Variants in SART1 observed in about 807,000 individuals in gnomAD.
The protein encoded by SART1 is spliceosome associated factor 1, recruiter of U4/U6.U5 tri-snRNP, also known as U4/U6.U5 tri-snRNP-associated protein 1.
In SART1, 28 loss-of-function variants were observed where a neutral mutation model predicts 105.0. The observed-to-expected ratio is 0.27, with a 90% CI of 0.20 to 0.37. The LOEUF (loss-of-function observed/expected upper bound fraction) is 0.37, where lower values mean the gene tolerates loss of function less well. SART1 is among the 10% of genes least tolerant of loss of function. SART1 has a pLI of 1.00. For missense variants in SART1, 894 were observed against 1,106.5 expected, an observed-to-expected ratio of 0.81 and a Z score of 2.72; for synonymous variants, 472 against 462.9, an observed-to-expected ratio of 1.02 and a Z score of -0.25.
chr11:65,965,932 G>A lies in SART1; in HGVS notation c.784G>A (p.Ala262Thr). 6.2e-7 allele frequency: 1 copy of A among 1,614,102 alleles called. No individual in the cohort carries two copies. The highest frequency in any genetic ancestry group is 8.5e-7 in the Non-Finnish European group (1 of 1,180,034). The change falls in exon 7 of 20, where the codon GCC becomes ACC. Residue 262 changes from alanine (A) to threonine (T), a missense_variant. Physicochemically the swap from Ala to Thr is moderately conservative, Grantham distance 58. Around this residue, in one of 2 missense-constraint regions of SART1, gnomAD observed 712 missense variants for 778.2 expected, o/e 0.91. Coordinates refer to ENST00000312397, the MANE Select transcript of SART1 (RefSeq NM_005146.5). ...RDLQGLTVEH[A>T]IDSFREGETM... Reference sequence around the variant, plus strand: ...CCTGCAGGGCCTCACCGTGGAGCATGCCATTGATTCCTTCCGAGAAGGGGA... The same window carrying A: ...CCTGCAGGGCCTCACCGTGGAGCATACCATTGATTCCTTCCGAGAAGGGGA...
rs563249232 is a variant in SART1 at position 65,969,662 on chromosome 11, GC to G, written c.1572+1843del. Among the ~76,000 whole-genome samples, 12 of 152,200 alleles carry G rather than the reference GC, an allele frequency of 7.9e-5. No homozygotes were observed. In the East Asian group the frequency reaches 2.3e-3, roughly 29 times the overall value. ...ATTCCTGAGCTCAAACGATCCTCTC[GC>G]CTCCACCTCCCAAAGTGCTGGGGTT... On this transcript the variant is annotated intron_variant, in intron 12 of 19. Transcript: ENST00000312397.
Position 65,965,702 on chromosome 11 carries a change from G to A in SART1, c.661G>A (p.Ala221Thr), listed in dbSNP as rs2134904649. ...TAGGTCACCCCTCCCTGTCCCGTAG[G>A]CCAAGTTACTGGAGGAGATGGACCA... ...QKEKDLAEKRAKLLEEMDQEF... is the reference protein window; with the variant it reads ...QKEKDLAEKRTKLLEEMDQEF... Residue 221 changes from alanine to threonine, a missense_variant and splice_region_variant, in exon 6 of 20, where the codon GCC becomes ACC. Physicochemically the swap from Ala to Thr is moderately conservative, Grantham distance 58. Transcript: ENST00000312397. 2 of 1,613,696 alleles carry A rather than the reference G, an allele frequency of 1.2e-6. No individual in the cohort carries two copies. Among genetic ancestry groups the A allele is most frequent in the Non-Finnish European group, 1.7e-6 (2 of 1,179,850 alleles).
intron 12 of SART1, among the ~76,000 whole-genome samples, chr11:65,973,942 A>C (rs1157572983): frequency 6.6e-6 from 1 of 152,176 alleles, no homozygotes; most frequent in Non-Finnish European, 1.5e-5. Context: ...TGCTAAAGCC[A>C]TGAAGACAAG....
chr11:65,975,626 G>T (rs1034007229), intron 12 of SART1, among the ~76,000 whole-genome samples: 1 of 151,748 alleles, frequency 6.6e-6, no homozygotes, highest in African/African-American at 2.4e-5. Context: ...GGCTGGTCTC[G>T]ATCTCCGGAA....
chr11:65,979,132 T>C lies in SART1; in HGVS notation c.*102T>C, dbSNP rs1855540993. The C allele has an allele frequency of 2.7e-6, 4 of 1,482,554 alleles. No individual in the cohort carries two copies. The East Asian group carries it at 9.5e-5, about 35-fold the overall frequency. The allele number at this position is 1,482,554 out of a possible 1,614,324, so 91.8% of individuals were successfully genotyped here. On this transcript the variant is annotated 3_prime_UTR_variant, in exon 20 of 20. Transcript: ENST00000312397. ...GTGGTACAGATTCCAGGGTTGGATC[T>C]TTGGTTGGGTGTGGCACAGAGTCTG...
Position 65,965,144 on chromosome 11 carries a change from C to T in SART1, c.480C>T (p.Ala160=). The stretch of plus-strand genomic sequence containing the variant: ...CAGCTGATGTCATCAACCCTATGGC[C>T]TTGCGACAGCGAGAGGAGCTGCGGG... ...PVTADVINPM[A]LRQREELREK... is the part of the protein sequence containing the mutation. Residue 160 remains alanine, a synonymous_variant, in exon 4 of 20, where the codon GCC becomes GCT. Transcript: ENST00000312397. The T allele has an allele frequency of 6.2e-7, 1 of 1,601,460 alleles. No individual in the cohort carries two copies. The highest frequency in any genetic ancestry group is 8.5e-7 in the Non-Finnish European group (1 of 1,177,070).
rs758275106 is a variant in SART1, at chr11:65,965,948, G to A, written c.800G>A (p.Arg267Gln). 19 of 1,613,944 alleles carry A rather than the reference G, an allele frequency of 1.2e-5. No individual in the cohort carries two copies. The highest frequency in any genetic ancestry group is 2.2e-5 in the East Asian group (1 of 44,894). The change falls in exon 7 of 20, where the codon CGA becomes CAA. Residue 267 changes from arginine (R) to glutamine (Q), a missense_variant. Arg to Gln is a conservative substitution (Grantham distance 43). Transcript: ENST00000312397. ...GTGGAGCATGCCATTGATTCCTTCC[G>A]AGAAGGGGAGACAATGATTCTTACC... The part of the protein sequence containing the change: ...LTVEHAIDSF[R>Q]EGETMILTLK...
At chr11:65,977,123 T>C (rs748116169) in intron 15 of SART1, 22 bp downstream of exon 15, 1 of 1,589,422 alleles carries the variant, frequency 6.3e-7, no homozygotes, top group Non-Finnish European at 8.6e-7. Flanking sequence ...AGGGCAGCCA[T>C]GACTTGGGTG....
At chr11:65,965,541 C>T (rs1348255597) in intron 5 of SART1, 94 bp downstream of exon 5, 7 of 1,387,578 alleles carry the variant, frequency 5.0e-6, no homozygotes, top group Non-Finnish European at 2.0e-6. Context: ...TGAGACGGGG[C>T]TTGGAGAAGG....
chr11:65,964,470 CCT>C (rs779168088), intron 2 of SART1, 43 bp from the exon 3 acceptor site: 1 of 1,606,998 alleles, frequency 6.2e-7, no homozygotes, highest in Admixed American at 1.7e-5. Flanking sequence ...CACATGGCAC[CCT>C]GTGTCTTTAA....
intron 9 of SART1, 108 bp from the exon 10 acceptor site, chr11:65,967,151 G>A: frequency 2.0e-6 from 3 of 1,495,146 alleles, no homozygotes; most frequent in Non-Finnish European, 9.0e-7. Flanking sequence ...AAGCGCTCAG[G>A]ACGCTGGCTA....
In SART1 at chr11:65,976,257, G is replaced by A. The variant is rs1056064830; in HGVS notation, c.1573-138G>A. On this transcript the variant is annotated intron_variant, in intron 12 of 19. Transcript: ENST00000312397. This position sits in a 1 kb window ranked among gnomAD's most constrained non-coding sequence, Gnocchi z 5.1. ...AAAGAGGTGCAGAGTGGAGTTAGGC[G>A]GCAGATAGCAGCTGGGCCTGCATGG... 30 of 784,924 alleles carry A rather than the reference G, an allele frequency of 3.8e-5. No individual in the cohort carries two copies. Among genetic ancestry groups the A allele is most frequent in the Non-Finnish European group, 5.3e-5 (27 of 512,732 alleles). 48.6% of individuals were successfully genotyped at this position (784,924 alleles called of 1,614,324 possible). A position where few individuals can be genotyped will look rare whatever the true frequency, so the allele number is the denominator to read the frequency against.
chr11:65,966,390 T>A lies in SART1; in HGVS notation c.1022T>A (p.Leu341His). Residue 341 changes from leucine to histidine, a missense_variant, in exon 9 of 20, where the codon CTT (leucine) becomes CAT (histidine). Leu to His is a moderately conservative substitution (Grantham distance 99). Transcript: ENST00000312397. ...ATCCTGTCCAAGTATGACGAAGAGC[T>A]TGAAGGGGAGCGGCCACATTCCTTC... Reference protein sequence around the residue: ...RSILSKYDEELEGERPHSFRL... With the variant: ...RSILSKYDEEHEGERPHSFRL... 6.2e-7 allele frequency: 1 copy of A among 1,613,926 alleles called. No homozygotes were observed. The highest frequency in any genetic ancestry group is 8.5e-7 in the Non-Finnish European group (1 of 1,180,012).
Position 65,979,200 on chromosome 11 carries a change from C to T in SART1, c.*170C>T, listed in dbSNP as rs1204355960. Reference sequence around the variant, plus strand: ...CCTGGCCATCAAATGACACAAACAACTAAACGATGGAAGAGAGAGCGAGCC... The same window carrying T: ...CCTGGCCATCAAATGACACAAACAATTAAACGATGGAAGAGAGAGCGAGCC... On this transcript the variant is annotated 3_prime_UTR_variant, in exon 20 of 20. Coordinates refer to ENST00000312397, the MANE Select transcript of SART1 (RefSeq NM_005146.5). The T allele has an allele frequency of 6.0e-6, 5 of 829,330 alleles. No homozygotes were observed. Among genetic ancestry groups the T allele is most frequent in the African/African-American group, 1.7e-5 (1 of 58,612 alleles). The allele number at this position is 829,330 out of a possible 1,614,324, so 51.4% of individuals were successfully genotyped here. A position where few individuals can be genotyped will look rare whatever the true frequency, so the allele number is the denominator to read the frequency against.
chr11:65,963,460 G>A (rs554230676), intron 1 of SART1, among the ~76,000 whole-genome samples: 2 of 152,118 alleles, frequency 1.3e-5, no homozygotes, highest in African/African-American at 4.8e-5. Context: ...TGGGAATGCA[G>A]GAAAGGAAGA....
chr11:65,967,792 C>G lies in SART1; in HGVS notation c.1543C>G (p.Leu515Val), dbSNP rs1197580933. Residue 515 changes from leucine to valine, a missense_variant, in exon 12 of 20, where the codon CTA (leucine) becomes GTA (valine). Physicochemically the swap from Leu to Val is conservative, Grantham distance 32. Transcript: ENST00000312397. ...ACGCCGGCTGCGACAGTTACAGCAG[C>G]TACAGCAGCTGCGAGACAGTGGCGA... ...KGRRLRQLQQ[L>V]QQLRDSGEKV... 1.3e-6 allele frequency: 2 copies of G among 1,547,158 alleles called. No homozygotes were observed. Among genetic ancestry groups the G allele is most frequent in the Non-Finnish European group, 1.7e-6 (2 of 1,145,794 alleles).
chr11:65,979,091 T>G lies in SART1; in HGVS notation c.*61T>G. 6.2e-7 allele frequency: 1 copy of G among 1,608,504 alleles called. No individual in the cohort carries two copies. Among genetic ancestry groups the G allele is most frequent in the Admixed American group, 1.7e-5 (1 of 59,794 alleles). On this transcript the variant is annotated 3_prime_UTR_variant, in exon 20 of 20. Transcript: ENST00000312397. ...ATATTAAATAAAGCTCCCTCCTTAT[T>G]TTTTCCTCCCTGGTCGTGGTACAGA...
At chr11:65,964,220 GT>G (rs754266437) in intron 2 of SART1, 89 bp downstream of exon 2, 1 of 1,123,126 alleles carries the variant, frequency 8.9e-7, no homozygotes, top group Non-Finnish European at 1.3e-6. Flanking sequence ...ACATGAAAGT[GT>G]GCTAATCAGA....
intron 12 of SART1, among the ~76,000 whole-genome samples, chr11:65,974,382 AAAAAAAAAAC>A (rs1394222519): frequency 1.6e-4 from 23 of 148,288 alleles, no homozygotes; most frequent in African/African-American, 4.7e-4. Context: ...AAAAAAAAAA[AAAAAAAAAAC>A]CATATCAGCC....
Sources: allele counts gnomAD v4.1 joint callset (sites outside exome capture counted in the v4.1 genomes callset), GRCh38; gene constraint gnomAD v4.1.1; regional missense constraint gnomAD v4.1.1; non-coding constraint Gnocchi (gnomAD v3.1); transcripts MANE v1.5; gene names NCBI Gene and HGNC (gene_info 2026-07-23, HGNC 2026-07-21).